The following RABGAP1 variants were observed in gnomAD, a reference collection of about 807,000 sequenced individuals.
The protein encoded by RABGAP1 is RAB GTPase activating protein 1.
Under a neutral mutation model 137.6 loss-of-function variants are expected in RABGAP1, and 23 were observed. The ratio of observed to expected loss-of-function variants is 0.17; its 90% CI spans 0.12 to 0.24. RABGAP1 has a LOEUF of 0.24. RABGAP1 is among the 10% of genes least tolerant of loss of function. The pLI, the probability that RABGAP1 is intolerant of heterozygous loss-of-function variation, is 1.00. For missense variants in RABGAP1, 906 were observed against 1,275.8 expected (o/e 0.71, Z 4.42); for synonymous variants, 451 against 450.7 (o/e 1.00, Z -0.01).
intron 2 of RABGAP1, among the ~76,000 whole-genome samples, chr9:122,962,236 TA>T (rs949036670): frequency 1.2e-4 from 18 of 147,700 alleles, no homozygotes; most frequent in African/African-American, 3.0e-4. Flanking sequence ...GCTTAAAGAT[TA>T]AAAAAAAAAA....
At chr9:123,022,462 A>C (rs2031699095) in intron 13 of RABGAP1, among the ~76,000 whole-genome samples, 1 of 152,128 alleles carries the variant, frequency 6.6e-6, no homozygotes, top group Non-Finnish European at 1.5e-5. Context: ...AGTGCAGTGC[A>C]GTGGTACGAT....
At chr9:123,025,543 C>CTTTTTTTTTTTT (rs577474947) in intron 13 of RABGAP1, among the ~76,000 whole-genome samples, 2,859 of 74,598 alleles carry the variant, frequency 0.038, 63 homozygotes, top group Non-Finnish European at 0.062. Context: ...TCTTTCTTTT[C>CTTTTTTTTTTTT]TTTTTTTTTT....
intron 13 of RABGAP1, among the ~76,000 whole-genome samples, chr9:123,046,460 T>C (rs1291765083): frequency 6.6e-6 from 1 of 152,238 alleles, no homozygotes; most frequent in Non-Finnish European, 1.5e-5. Flanking sequence ...GCCAAAAGTA[T>C]GTGCTTGAGA....
intron 2 of RABGAP1, among the ~76,000 whole-genome samples, chr9:122,977,490 C>T (rs1835822813): frequency 6.6e-6 from 1 of 152,092 alleles, no homozygotes; most frequent in Admixed American, 6.6e-5. Flanking sequence ...ATACTTGAGG[C>T]CAGGAGTTTG....
rs186389885 is a variant in RABGAP1, at chr9:123,014,345, A to G, written c.1550-1198A>G. Among the ~76,000 whole-genome samples, 18 of 152,316 alleles carry G rather than the reference A, an allele frequency of 1.2e-4. No homozygotes were observed. In the East Asian group the frequency reaches 3.1e-3, roughly 26 times the overall value. ...ACGATTTAATTTGGCCTTTTAAAGT[A>G]TGTTTGTGTTTTCTTTTATAAATTA... On this transcript the variant is annotated intron_variant, in intron 11 of 25. Transcript: ENST00000373647.
chr9:123,084,965 C>T lies in RABGAP1; in HGVS notation c.2425-4793C>T, dbSNP rs549242095. 3.3e-4 allele frequency among the ~76,000 whole-genome samples: 50 copies of T among 152,316 alleles called. 2 individuals carry two copies. The South Asian group carries it at 9.5e-3, about 29-fold the overall frequency. ...AGCTCTTAGTGGGCAGGTTGTACCA[C>T]GTCGCGCCTGCCCAGGTGAGCAGCC... On this transcript the variant is annotated intron_variant, in intron 19 of 25. Transcript: ENST00000373647.
At chr9:123,027,487 A>T (rs1204349598) in intron 13 of RABGAP1, among the ~76,000 whole-genome samples, 3 of 152,266 alleles carry the variant, frequency 2.0e-5, no homozygotes, top group African/African-American at 7.2e-5. Context: ...TCTGGAAAAA[A>T]TAATGTATTC....
chr9:123,086,023 C>G (rs1358093680), intron 19 of RABGAP1, among the ~76,000 whole-genome samples: 2 of 152,194 alleles, frequency 1.3e-5, no homozygotes, highest in Non-Finnish European at 2.9e-5. Context: ...TATGGCCTGT[C>G]TCCTGGTGGG....
chr9:122,931,945 T>C, the RABGAP1 span, among the ~76,000 whole-genome samples: 2 of 152,172 alleles, frequency 1.3e-5, no homozygotes, highest in African/African-American at 4.8e-5. Flanking sequence ...AGCTCTCCCC[T>C]CACTTTTGGA....
At chr9:123,017,014 G>C (rs79091619) in intron 12 of RABGAP1, among the ~76,000 whole-genome samples, 2,420 of 152,266 alleles carry the variant, frequency 0.016, 36 homozygotes, top group South Asian at 0.066. Context: ...TTTAATAAAT[G>C]AACTCTGCAA....
intron 10 of RABGAP1, among the ~76,000 whole-genome samples, chr9:123,003,524 A>G (rs986901886): frequency 1.3e-5 from 2 of 152,252 alleles, no homozygotes; most frequent in Non-Finnish European, 2.9e-5. Context: ...ATTTAAGAAT[A>G]TACAACATAC....
At chr9:123,000,261 A>T (rs183930284) in intron 10 of RABGAP1, among the ~76,000 whole-genome samples, 28 of 151,902 alleles carry the variant, frequency 1.8e-4, no homozygotes, top group Admixed American at 1.2e-3. Context: ...TTTTTCTTAA[A>T]TCGGGCAGTT....
At chr9:123,019,656 A>G (rs961183968) in intron 12 of RABGAP1, among the ~76,000 whole-genome samples, 1 of 150,670 alleles carries the variant, frequency 6.6e-6, no homozygotes, top group Admixed American at 6.6e-5. Flanking sequence ...GTCATTTATT[A>G]TATGTCCACT....
intron 13 of RABGAP1, chr9:123,029,510 G>A (rs968120349): frequency 5.5e-6 from 5 of 916,502 alleles, no homozygotes; most frequent in African/African-American, 1.6e-5. Context: ...CCTGGCCAGG[G>A]AACCTCAAAT....
intron 13 of RABGAP1, among the ~76,000 whole-genome samples, chr9:123,043,895 A>C (rs1000282955): frequency 6.0e-5 from 8 of 132,780 alleles, no homozygotes; most frequent in Non-Finnish European, 9.8e-5. Context: ...TAGGTGTATT[A>C]TTTTCTTTTT....
chr9:123,071,133 A>C (rs1437442171), intron 15 of RABGAP1, among the ~76,000 whole-genome samples: 2 of 152,240 alleles, frequency 1.3e-5, no homozygotes, highest in African/African-American at 4.8e-5. Context: ...TAATACCATG[A>C]TCACATCCAA....
intron 13 of RABGAP1, among the ~76,000 whole-genome samples, chr9:123,059,094 AC>A (rs1355695259): frequency 4.6e-5 from 7 of 152,220 alleles, no homozygotes; most frequent in Non-Finnish European, 8.8e-5. Flanking sequence ...CCTCCTGTAT[AC>A]ATAGTAATAA....
intron 2 of RABGAP1, among the ~76,000 whole-genome samples, chr9:122,974,142 C>G (rs1835631547): frequency 6.6e-6 from 1 of 152,128 alleles, no homozygotes. Context: ...GGAGACACAT[C>G]AGTAAATACG....
rs555420600 is a variant in RABGAP1 at position 123,045,158 on chromosome 9, A to G, written c.1795-20190A>G. ...TTTTAAATTCTGTCTATCAGCTTTC[A>G]GCAAATACTTACTGAGTTGAATTGT... On this transcript the variant is annotated intron_variant, in intron 13 of 25. Transcript: ENST00000373647. Among the ~76,000 whole-genome samples the G allele has an allele frequency of 3.9e-5, 6 of 152,368 alleles. No homozygotes were observed. The South Asian group carries it at 1.0e-3, about 26-fold the overall frequency.
Sources: allele counts gnomAD v4.1 joint callset (sites outside exome capture counted in the v4.1 genomes callset), GRCh38; gene constraint gnomAD v4.1.1; transcripts MANE v1.5; gene names NCBI Gene and HGNC (gene_info 2026-07-23, HGNC 2026-07-21).